The following ANKRD26 variants were observed in gnomAD, a reference collection of about 807,000 sequenced individuals.
The protein encoded by ANKRD26 is ankyrin repeat domain-containing protein 26.
Under a neutral mutation model 208.7 loss-of-function variants are expected in ANKRD26, and 141 were observed. The ratio of observed to expected loss-of-function variants is 0.68; its 90% CI spans 0.59 to 0.78. ANKRD26 has a LOEUF of 0.78. Ranked by LOEUF, ANKRD26 falls within the 30% of genes least tolerant of loss-of-function variation. The probability of loss-of-function intolerance (pLI) is 0.00; values close to 1 mark genes in which losing one functional copy is unlikely to be tolerated. For missense variants in ANKRD26, 1,889 were observed against 1,938.7 expected (o/e 0.97, Z 0.48); for synonymous variants, 636 against 660.4 (o/e 0.96, Z 0.57).
chr10:27,061,557 C>CT (rs1299742662), intron 12 of ANKRD26, among the ~76,000 whole-genome samples: 1,410 of 107,864 alleles, frequency 0.013, 29 homozygotes, highest in African/African-American at 0.048. Flanking sequence ...AATGCAACAT[C>CT]TATTTTTTTT....
At chr10:26,986,099 G>C (rs1366498611) in intron 3 of ANKRD26, among the ~76,000 whole-genome samples, 1 of 152,140 alleles carries the variant, frequency 6.6e-6, no homozygotes, top group African/African-American at 2.4e-5. Context: ...CAATGGAACA[G>C]AACAGAGCCC....
rs61279215 is a variant in ANKRD26, at chr10:27,042,321, T to A, written c.2161+1105A>T. 2.5e-3 allele frequency among the ~76,000 whole-genome samples: 374 copies of A among 152,292 alleles called. 2 individuals carry two copies. The highest frequency in any genetic ancestry group is 8.5e-3 in the African/African-American group (354 of 41,568). ...TCAAAATGGATCACACACCTAAATG[T>A]AAGACGCAAAACTGGCTGGGCACGG... On this transcript the variant is annotated intron_variant, in intron 20 of 33. Transcript: ENST00000376087.
Position 27,062,742 on chromosome 10 carries a change from A to G in ANKRD26, c.1363+1246T>C, listed in dbSNP as rs570787348. ...CTTTTCTTTTGGCCTTTGAGATACT[A>G]TCCTATGAAGTAACACTTTCTTTCT... On this transcript the variant is annotated intron_variant, in intron 12 of 33. Transcript: ENST00000376087. 1.0e-4 allele frequency among the ~76,000 whole-genome samples: 15 copies of G among 149,684 alleles called. No homozygotes were observed. In the South Asian group the frequency reaches 1.3e-3, roughly 13 times the overall value.
At chr10:26,951,013 C>CTTTT in the ANKRD26 span, among the ~76,000 whole-genome samples, 50 of 100,934 alleles carry the variant, frequency 5.0e-4, 1 homozygote, top group African/African-American at 2.5e-3. Context: ...CTTTTCTTTT[C>CTTTT]TTTTTCTTTT....
At chr10:27,029,080 T>C in intron 26 of ANKRD26, 135 bp from the exon 27 acceptor site, 1 of 999,676 alleles carries the variant, frequency 1.0e-6, no homozygotes, top group Non-Finnish European at 1.5e-6. Flanking sequence ...GGCAACTCTA[T>C]CGTTTTTCTA....
intron 4 of ANKRD26, among the ~76,000 whole-genome samples, chr10:26,996,303 T>C (rs1424050576): frequency 2.0e-5 from 3 of 152,166 alleles, no homozygotes; most frequent in Non-Finnish European, 4.4e-5. Context: ...GGCTCATGCC[T>C]GTAATCCCAG....
intron 16 of ANKRD26, among the ~76,000 whole-genome samples, chr10:27,050,345 A>C (rs1241446335): frequency 1.3e-5 from 2 of 152,050 alleles, no homozygotes; most frequent in Non-Finnish European, 2.9e-5. Flanking sequence ...TTAAATACTA[A>C]ATTTCTGGCT....
intron 15 of ANKRD26, among the ~76,000 whole-genome samples, chr10:27,059,003 C>T (rs2054948819): frequency 6.6e-6 from 1 of 151,830 alleles, no homozygotes; most frequent in East Asian, 1.9e-4. Context: ...CAAACTCCAC[C>T]TCCCGGGTTC....
At position 27,100,067 on chromosome 10, in the gene ANKRD26, G is replaced by C; in HGVS notation, c.242+18C>G. The C allele has an allele frequency of 6.2e-7, 1 of 1,613,410 alleles. No homozygotes were observed. The highest frequency in any genetic ancestry group is 8.5e-7 in the Non-Finnish European group (1 of 1,179,938). On this transcript the variant is annotated intron_variant, in intron 1 of 33. Transcript: ENST00000376087. ...CCTACTCCAGTGGCACTCAGTCCGG[G>C]CTTGCGACGCCTATTACCTGTTCAT...
chr10:27,007,469 C>T (rs753454051), intron 32 of ANKRD26, among the ~76,000 whole-genome samples: 1 of 152,158 alleles, frequency 6.6e-6, no homozygotes, highest in African/African-American at 2.4e-5. Context: ...GCCTGGGCAA[C>T]ATAGTGAAAT....
intron 16 of ANKRD26, among the ~76,000 whole-genome samples, chr10:27,050,341 A>G (rs2054611419): frequency 6.6e-6 from 1 of 151,952 alleles, no homozygotes; most frequent in Non-Finnish European, 1.5e-5. Flanking sequence ...GGAGTTAAAT[A>G]CTAAATTTCT....
chr10:27,026,593 C>T (rs1459497697), intron 27 of ANKRD26, among the ~76,000 whole-genome samples: 3 of 152,168 alleles, frequency 2.0e-5, no homozygotes, highest in Non-Finnish European at 4.4e-5. Flanking sequence ...AAGCATCAAC[C>T]TCATTGCTCC....
intron 4 of ANKRD26, among the ~76,000 whole-genome samples, chr10:26,997,841 C>T (rs966180315): frequency 3.9e-5 from 6 of 152,212 alleles, no homozygotes; most frequent in African/African-American, 1.4e-4. Context: ...ATCCTCACCA[C>T]TTGTTTCTTT....
chr10:26,979,177 G>A (rs533074845), intron 5 of ANKRD26, among the ~76,000 whole-genome samples: 11 of 152,210 alleles, frequency 7.2e-5, no homozygotes, highest in African/African-American at 2.4e-4. Flanking sequence ...CCGAGATCGC[G>A]CCACTGCACT....
intron 20 of ANKRD26, 73 bp downstream of exon 20, chr10:27,043,353 A>G (rs2135284645): frequency 6.6e-7 from 1 of 1,526,364 alleles, no homozygotes; most frequent in Non-Finnish European, 9.1e-7. Flanking sequence ...TGCTAAATGT[A>G]CATACATTTA....
chr10:27,002,561 C>T (rs1285766106), downstream of ANKRD26, among the ~76,000 whole-genome samples: 2 of 152,120 alleles, frequency 1.3e-5, no homozygotes, highest in East Asian at 3.9e-4. Context: ...GGGCTGGTTC[C>T]CACCCTGCAC....
chr10:27,032,776 C>G (rs2053914818), intron 25 of ANKRD26, among the ~76,000 whole-genome samples: 1 of 151,796 alleles, frequency 6.6e-6, no homozygotes, highest in South Asian at 2.1e-4. Flanking sequence ...GACAGTGCCA[C>G]TGTACTCCAG....
intron 4 of ANKRD26, among the ~76,000 whole-genome samples, chr10:26,998,980 G>A (rs916206023): frequency 4.6e-5 from 7 of 152,158 alleles, no homozygotes; most frequent in Non-Finnish European, 8.8e-5. Context: ...GCACCAAGAG[G>A]AAGTAAGTGA....
At chr10:26,950,861 A>G in the ANKRD26 span, among the ~76,000 whole-genome samples, 1 of 152,188 alleles carries the variant, frequency 6.6e-6, no homozygotes, top group Non-Finnish European at 1.5e-5. Context: ...ATAGAGCTTC[A>G]GTCTGATTCA....
Sources: allele counts gnomAD v4.1 joint callset (sites outside exome capture counted in the v4.1 genomes callset), GRCh38; gene constraint gnomAD v4.1.1; transcripts MANE v1.5; gene names NCBI Gene and HGNC (gene_info 2026-07-23, HGNC 2026-07-21).